The following FNDC3B variants were observed in gnomAD, a reference collection of about 807,000 sequenced individuals.
The protein encoded by FNDC3B is fibronectin type III domain containing 3B.
In FNDC3B, 12 loss-of-function variants were observed where a neutral mutation model predicts 151.5. The observed-to-expected ratio is 0.08, with a 90% CI of 0.05 to 0.13. The LOEUF is 0.13. Among genes scored for constraint, FNDC3B ranks in the 10% least tolerant of loss-of-function variants. The pLI is 1.00. For missense variants in FNDC3B, 1,214 were observed against 1,505.3 expected, an observed-to-expected ratio of 0.81 and a Z score of 3.20; for synonymous variants, 528 against 549.0, an observed-to-expected ratio of 0.96 and a Z score of 0.54.
In FNDC3B at chr3:172,230,613, A is replaced by C. The variant is rs556587470; in HGVS notation, c.264+3666A>C. ...AAAGGACTTGAATCTGGAACGTATAAAAAACTTACAAGTCAAGAATAAAAA... is the reference window on the plus strand; with the variant it reads ...AAAGGACTTGAATCTGGAACGTATACAAAACTTACAAGTCAAGAATAAAAA... On this transcript the variant is annotated intron_variant, in intron 4 of 25. Coordinates refer to ENST00000415807, the MANE Select transcript of FNDC3B (RefSeq NM_022763.4). 3.3e-5 allele frequency among the ~76,000 whole-genome samples: 5 copies of C among 152,342 alleles called. No individual in the cohort carries two copies. The East Asian group carries it at 9.6e-4, about 29-fold the overall frequency.
At chr3:172,140,463 C>T (rs1721568733) in intron 3 of FNDC3B, among the ~76,000 whole-genome samples, 1 of 152,164 alleles carries the variant, frequency 6.6e-6, no homozygotes, top group Admixed American at 6.5e-5. Context: ...TTGCACATGA[C>T]AGTTAGCAAT....
chr3:172,309,947 G>T (rs1026321134), intron 10 of FNDC3B, among the ~76,000 whole-genome samples: 1 of 152,138 alleles, frequency 6.6e-6, no homozygotes, highest in Admixed American at 6.5e-5. Context: ...TTTTGCCAGG[G>T]GTAAGGCACT....
chr3:172,297,232 A>T (rs1449236073), intron 8 of FNDC3B, among the ~76,000 whole-genome samples: 2 of 152,218 alleles, frequency 1.3e-5, no homozygotes, highest in Non-Finnish European at 2.9e-5. Flanking sequence ...TATTTTAAAG[A>T]TACAATGTAG....
intron 3 of FNDC3B, among the ~76,000 whole-genome samples, chr3:172,201,800 C>T (rs544007395): frequency 1.3e-5 from 2 of 152,080 alleles, no homozygotes; most frequent in Non-Finnish European, 2.9e-5. Context: ...TACGGGATGC[C>T]CAGTTAAAGT....
chr3:172,281,769 A>G (rs2108818840), intron 6 of FNDC3B, among the ~76,000 whole-genome samples: 1 of 152,278 alleles, frequency 6.6e-6, no homozygotes, highest in African/African-American at 2.4e-5. Flanking sequence ...AACCAGACAG[A>G]GTTTTCAGCT....
At chr3:172,332,170 A>G (rs1317825638) in intron 13 of FNDC3B, among the ~76,000 whole-genome samples, 8 of 152,118 alleles carry the variant, frequency 5.3e-5, no homozygotes, top group Non-Finnish European at 1.2e-4. Context: ...GGGTTTCTCC[A>G]TGTTGGTCAG....
intron 22 of FNDC3B, among the ~76,000 whole-genome samples, chr3:172,355,740 T>C (rs1734065680): frequency 6.6e-6 from 1 of 152,170 alleles, no homozygotes; most frequent in South Asian, 2.1e-4. Context: ...GTCAGCTGTC[T>C]CTTATTTACC....
chr3:172,055,953 T>C (rs1267222545), intron 1 of FNDC3B, among the ~76,000 whole-genome samples: 2 of 152,132 alleles, frequency 1.3e-5, no homozygotes, highest in Non-Finnish European at 2.9e-5. Context: ...GCTAATTTTT[T>C]GTATTTTTTA....
chr3:172,368,412 A>C (rs1734733060), intron 23 of FNDC3B, among the ~76,000 whole-genome samples: 1 of 152,250 alleles, frequency 6.6e-6, no homozygotes, highest in African/African-American at 2.4e-5. Context: ...GATGTGAGGC[A>C]GCCAGCTCAG....
At chr3:172,056,486 CACTT>C (rs1302894289) in intron 1 of FNDC3B, among the ~76,000 whole-genome samples, 2 of 152,210 alleles carry the variant, frequency 1.3e-5, no homozygotes, top group African/African-American at 4.8e-5. Context: ...GGAAACTACT[CACTT>C]AACTTGGAGT....
At chr3:172,063,794 C>T (rs1208352865) in intron 1 of FNDC3B, among the ~76,000 whole-genome samples, 1 of 152,084 alleles carries the variant, frequency 6.6e-6, no homozygotes, top group Admixed American at 6.6e-5. Context: ...GTGAATTTAT[C>T]CTTAGGGACA....
intron 3 of FNDC3B, among the ~76,000 whole-genome samples, chr3:172,169,650 A>G (rs772807563): frequency 2.6e-5 from 4 of 152,146 alleles, no homozygotes; most frequent in African/African-American, 4.8e-5. Flanking sequence ...TGATACCCAC[A>G]CTTTTCAAAG....
intron 3 of FNDC3B, among the ~76,000 whole-genome samples, chr3:172,221,613 A>G (rs767480772): frequency 3.3e-5 from 5 of 152,194 alleles, no homozygotes; most frequent in African/African-American, 1.2e-4. Context: ...GAATTTCTTT[A>G]AAGTTAGCAT....
At position 172,040,796 on chromosome 3, in the gene FNDC3B, C is replaced by G. The variant is rs1715996674; in HGVS notation, c.-29+1025C>G. 6.6e-6 allele frequency among the ~76,000 whole-genome samples: 1 copy of G among 152,028 alleles called. No homozygotes were observed. Among genetic ancestry groups the G allele is most frequent in the Admixed American group, 6.6e-5 (1 of 15,266 alleles). ...TCTCGGCAGAAAGTGGGGCCTCGGGCTGTGCCCGCGAACTTTCCCAGAGGT... is the reference window on the plus strand; with the variant it reads ...TCTCGGCAGAAAGTGGGGCCTCGGGGTGTGCCCGCGAACTTTCCCAGAGGT... On this transcript the variant is annotated intron_variant, in intron 1 of 25. Transcript: ENST00000415807. The surrounding 1 kb of genome is among the most constrained non-coding windows in gnomAD (Gnocchi z 6.6).
chr3:172,363,305 T>C (rs560931911), intron 23 of FNDC3B, among the ~76,000 whole-genome samples: 1 of 152,316 alleles, frequency 6.6e-6, no homozygotes, highest in Admixed American at 6.5e-5. Context: ...TCTGTAACTA[T>C]GGGCAATGCA....
chr3:172,208,392 C>T (rs58151267), intron 3 of FNDC3B, among the ~76,000 whole-genome samples: 19,031 of 152,110 alleles, frequency 0.13, 1,273 homozygotes, highest in South Asian at 0.22. Flanking sequence ...ATTTTGAGCC[C>T]TTCTCATATA....
In FNDC3B at chr3:172,212,624, G is replaced by A. The variant is rs150673414; in HGVS notation, c.188-14247G>A. Among the ~76,000 whole-genome samples the A allele has an allele frequency of 3.0e-3, 459 of 152,324 alleles. 4 individuals are homozygous for A. Among genetic ancestry groups the A allele is most frequent in the African/African-American group, 0.011 (446 of 41,564 alleles). On this transcript the variant is annotated intron_variant, in intron 3 of 25. Transcript: ENST00000415807. The stretch of plus-strand genomic sequence containing the variant: ...CTGTTTTCTAGAATCTGCAAGCACA[G>A]ACCTACGTGACACCAGTACCACCAC...
intron 3 of FNDC3B, among the ~76,000 whole-genome samples, chr3:172,186,435 A>G (rs1391025562): frequency 6.6e-6 from 1 of 152,214 alleles, no homozygotes; most frequent in Non-Finnish European, 1.5e-5. Flanking sequence ...GGACACATCC[A>G]TAGGTGACTT....
chr3:172,200,430 A>G (rs1560014978), intron 3 of FNDC3B, among the ~76,000 whole-genome samples: 1 of 152,222 alleles, frequency 6.6e-6, no homozygotes, highest in Admixed American at 6.5e-5. Context: ...TGGCTTTATA[A>G]TGGTGCAAAT....
Sources: gnomAD v4.1 joint callset for allele counts (sites outside exome capture counted in the v4.1 genomes callset) on GRCh38, gnomAD v4.1.1 for gene constraint, Gnocchi (gnomAD v3.1) non-coding constraint, MANE v1.5 for transcripts, NCBI Gene and HGNC (gene_info 2026-07-23, HGNC 2026-07-21) for gene names.